Variants in PARD3 observed in about 807,000 individuals in gnomAD.
PARD3 encodes the protein partitioning defective 3 homolog.
Under a neutral mutation model 155.4 loss-of-function variants are expected in PARD3, and 75 were observed. The ratio of observed to expected loss-of-function variants is 0.48; its 90% CI spans 0.40 to 0.58. PARD3 has a LOEUF of 0.58. Among genes scored for constraint, PARD3 ranks in the 20% least tolerant of loss-of-function variants. PARD3 has a pLI of 0.00. For synonymous variants in PARD3, 576 were observed against 610.5 expected (o/e 0.94, Z 0.83); for missense variants, 1,642 against 1,721.7 (o/e 0.95, Z 0.82).
At chr10:34,352,322 A>G (rs970470483) in intron 14 of PARD3, among the ~76,000 whole-genome samples, 4 of 152,060 alleles carry the variant, frequency 2.6e-5, no homozygotes, top group African/African-American at 4.8e-5. Context: ...TCTCCACTGT[A>G]AAGTTACTCT....
chr10:34,364,519 T>A (rs1450767835), intron 12 of PARD3, among the ~76,000 whole-genome samples: 3 of 152,034 alleles, frequency 2.0e-5, no homozygotes, highest in Non-Finnish European at 4.4e-5. Context: ...AACCTTGAAC[T>A]CCTGGACTCA....
At chr10:34,711,010 T>C (rs1205792000) in intron 1 of PARD3, among the ~76,000 whole-genome samples, 1 of 152,050 alleles carries the variant, frequency 6.6e-6, no homozygotes, top group Non-Finnish European at 1.5e-5. Flanking sequence ...ACTCCATCTC[T>C]ATAAAGCAAT....
At chr10:34,654,443 T>C (rs115604223) in intron 2 of PARD3, among the ~76,000 whole-genome samples, 263 of 152,276 alleles carry the variant, frequency 1.7e-3, no homozygotes, top group African/African-American at 6.1e-3. Flanking sequence ...GCCAACAGAA[T>C]CCAAACTCTC....
At position 34,284,174 on chromosome 10, in the gene PARD3, G is replaced by C; in HGVS notation, c.3137C>G (p.Ser1046Ter). Reference protein sequence around the residue: ...GKIKIQESFTSEEERIRMKQE... With the variant: ...GKIKIQESFT ...CTTCATTCGTATCCTCTCCTCTTCT[G>C]ATGTAAAGGATTCCTGTATTTTTAT... Residue 1046 changes from serine (S) to a stop codon, truncating the protein, a stop_gained, in exon 21 of 25, where the codon TCA (serine) becomes TGA (stop). Transcript: ENST00000374788. LOFTEE classifies it high-confidence loss of function. 6.2e-7 allele frequency: 1 copy of C among 1,607,494 alleles called. No homozygotes were observed. The highest frequency in any genetic ancestry group is 8.5e-7 in the Non-Finnish European group (1 of 1,176,616).
In PARD3 at chr10:34,261,772, G is replaced by GAAAGA. The variant is rs1564528140; in HGVS notation, c.3419+7880_3419+7884dup. On this transcript the variant is annotated intron_variant, in intron 22 of 24. Transcript: ENST00000374788. The stretch of plus-strand genomic sequence containing the variant: ...AGGAAGGAAGAAAGGAAGGAAGGAA[G>GAAAGA]AAAGAAAGAAAAGAAAGAAAGAAAG... Among the ~76,000 whole-genome samples the GAAAGA allele has an allele frequency of 2.6e-4, 22 of 84,198 alleles. 1 individual carries two copies. Among genetic ancestry groups the GAAAGA allele is most frequent in the African/African-American group, 7.4e-4 (22 of 29,862 alleles). The allele number at this position is 84,198 out of a possible 152,430, so 55.2% of individuals were successfully genotyped here.
chr10:34,771,572 TG>T (rs1253381079), intron 1 of PARD3, among the ~76,000 whole-genome samples: 2 of 152,234 alleles, frequency 1.3e-5, no homozygotes, highest in African/African-American at 4.8e-5. Context: ...GAAAGAAAAA[TG>T]ACGTCGGTCA....
intron 22 of PARD3, among the ~76,000 whole-genome samples, chr10:34,132,476 C>T (rs963076017): frequency 6.6e-6 from 1 of 152,184 alleles, no homozygotes; most frequent in Admixed American, 6.5e-5. Flanking sequence ...TTTCACTATG[C>T]CATGCATATC....
intron 1 of PARD3, among the ~76,000 whole-genome samples, chr10:34,776,779 C>CAA (rs569075968): frequency 8.0e-6 from 1 of 124,928 alleles, no homozygotes; most frequent in East Asian, 2.3e-4. Context: ...AAAAAGAAAA[C>CAA]AAAAAAAAAC....
At chr10:34,766,998 A>T (rs985694074) in intron 1 of PARD3, among the ~76,000 whole-genome samples, 4 of 152,172 alleles carry the variant, frequency 2.6e-5, no homozygotes, top group African/African-American at 9.7e-5. Flanking sequence ...CACAAGCAGC[A>T]CATCCCTAAA....
At chr10:34,290,663 C>T (rs1169839786) in intron 20 of PARD3, among the ~76,000 whole-genome samples, 2 of 152,232 alleles carry the variant, frequency 1.3e-5, no homozygotes, top group South Asian at 2.1e-4. Context: ...TGCACTATCA[C>T]ATGATCCATT....
intron 2 of PARD3, among the ~76,000 whole-genome samples, chr10:34,612,986 T>A (rs1403610225): frequency 6.6e-6 from 1 of 152,168 alleles, no homozygotes; most frequent in African/African-American, 2.4e-5. Flanking sequence ...TTATCCACAG[T>A]GTACAAAACC....
rs146027961 is a variant in PARD3 at position 34,500,009 on chromosome 10, C to T, written c.403+16970G>A. On this transcript the variant is annotated intron_variant, in intron 3 of 24. Transcript: ENST00000374788. ...ACATCCACAAGAAAAAAAGTCTGTA[C>T]ATGTTCAGTACAGATGCAATTTTTT... Among the ~76,000 whole-genome samples the T allele has an allele frequency of 7.9e-5, 12 of 152,342 alleles. No individual in the cohort carries two copies. In the South Asian group the frequency reaches 1.2e-3, roughly 16 times the overall value.
chr10:34,728,049 A>G (rs1193347278), intron 1 of PARD3, among the ~76,000 whole-genome samples: 1 of 152,198 alleles, frequency 6.6e-6, no homozygotes, highest in Non-Finnish European at 1.5e-5. Flanking sequence ...TGGATCAACA[A>G]GTAGGTATAT....
At chr10:34,678,921 C>T (rs1226175186) in intron 2 of PARD3, among the ~76,000 whole-genome samples, 4 of 152,016 alleles carry the variant, frequency 2.6e-5, no homozygotes, top group African/African-American at 9.7e-5. Flanking sequence ...AAAACCTTAA[C>T]GCCTTCACCG....
Position 34,382,639 on chromosome 10 carries a change from C to A in PARD3, c.1300G>T (p.Ala434Ser). Reference protein sequence around the residue: ...SAHPSGKPPSAPASAPQNVFS... With the variant: ...SAHPSGKPPSSPASAPQNVFS... The stretch of plus-strand genomic sequence containing the variant: ...ACATTCTGAGGTGCCGAGGCTGGAG[C>A]GGATGGTGGTTTTCCCGAGGGGTGT... Residue 434 changes from alanine (A) to serine (S), a missense_variant, in exon 9 of 25, where the codon GCT becomes TCT. Ala to Ser is a moderately conservative substitution (Grantham distance 99). This residue lies in a region of PARD3 where 1,529 missense variants were observed against 1,587.3 expected (regional missense o/e 0.96). Coordinates refer to ENST00000374788, the MANE Select transcript of PARD3 (RefSeq NM_001184785.2). 6.2e-7 allele frequency: 1 copy of A among 1,614,018 alleles called. No homozygotes were observed. The highest frequency in any genetic ancestry group is 8.5e-7 in the Non-Finnish European group (1 of 1,179,998).
rs138531387 is a variant in PARD3 at position 34,357,294 on chromosome 10, A to C, written c.2067+1853T>G. 1.2e-3 allele frequency among the ~76,000 whole-genome samples: 179 copies of C among 152,290 alleles called. 3 individuals carry two copies. Among genetic ancestry groups the C allele is most frequent in the South Asian group, 4.4e-3 (21 of 4,820 alleles). ...GGAAAACATTGAGAAGGTGTTAAAA[A>C]TTTTAATTGGTCTCTAAAAGACTAA... On this transcript the variant is annotated intron_variant, in intron 14 of 24. Coordinates refer to ENST00000374788, the MANE Select transcript of PARD3 (RefSeq NM_001184785.2).
Position 34,551,005 on chromosome 10 carries a change from A to C in PARD3, c.223-33846T>G, listed in dbSNP as rs116103774. 9.7e-3 allele frequency among the ~76,000 whole-genome samples: 1,470 copies of C among 152,322 alleles called. 22 individuals are homozygous for C. Among genetic ancestry groups the C allele is most frequent in the African/African-American group, 0.034 (1,398 of 41,566 alleles). ...CCATAAGTAGTAGAGACATTCTCTC[A>C]TATTCACCCAGCTCTCCTGAGTCCA... On this transcript the variant is annotated intron_variant, in intron 2 of 24. Transcript: ENST00000374788.
intron 2 of PARD3, among the ~76,000 whole-genome samples, chr10:34,521,485 T>C (rs1202733429): frequency 6.6e-6 from 1 of 152,120 alleles, no homozygotes; most frequent in African/African-American, 2.4e-5. Context: ...GTTACTCAAA[T>C]TCTAATTTAA....
intron 22 of PARD3, among the ~76,000 whole-genome samples, chr10:34,133,291 G>A (rs562191591): frequency 7.6e-4 from 116 of 152,208 alleles, no homozygotes; most frequent in Non-Finnish European, 1.4e-3. Context: ...CCCGGCTCCC[G>A]TACCTGTACA....
Sources: allele counts gnomAD v4.1 joint callset (sites outside exome capture counted in the v4.1 genomes callset), GRCh38; gene constraint gnomAD v4.1.1; regional missense constraint gnomAD v4.1.1; transcripts MANE v1.5; gene names NCBI Gene and HGNC (gene_info 2026-07-23, HGNC 2026-07-21).